The following PHF2 variants were observed in gnomAD, a reference collection of about 807,000 sequenced individuals.
PHF2 encodes the protein lysine-specific demethylase PHF2.
A neutral mutation model predicts 120.5 loss-of-function variants in PHF2; 27 were observed. That is an observed-to-expected ratio of 0.22 (90% CI 0.17 to 0.31). PHF2 has a LOEUF of 0.31. Among genes scored for constraint, PHF2 ranks in the 10% least tolerant of loss-of-function variants. The pLI is 1.00. For missense variants in PHF2, 1,024 were observed against 1,434.8 expected (o/e 0.71, Z 4.63); for synonymous variants, 568 against 592.5 (o/e 0.96, Z 0.60).
intron 1 of PHF2, among the ~76,000 whole-genome samples, chr9:93,587,533 T>TCCCAGATGGG (rs1863077036): frequency 1.9e-5 from 2 of 105,288 alleles, no homozygotes; most frequent in African/African-American, 3.8e-5. Flanking sequence ...TCCCAGATAG[T>TCCCAGATGGG]GGATGGAGGA....
chr9:93,607,983 A>T (rs1825571408), intron 1 of PHF2, among the ~76,000 whole-genome samples: 1 of 137,904 alleles, frequency 7.3e-6, no homozygotes, highest in Non-Finnish European at 1.6e-5. Flanking sequence ...TGAGAGAGAG[A>T]CGGAGGGAGA....
intron 1 of PHF2, among the ~76,000 whole-genome samples, chr9:93,592,963 G>T (rs958517001): frequency 1.3e-5 from 2 of 151,948 alleles, no homozygotes; most frequent in Non-Finnish European, 2.9e-5. Context: ...AGGCCCTGCA[G>T]CTGTACCCTC....
intron 5 of PHF2, 136 bp downstream of exon 5, chr9:93,649,348 A>C (rs2117898663): frequency 2.8e-6 from 1 of 351,360 alleles, no homozygotes; most frequent in Non-Finnish European, 4.6e-6. Context: ...ACTGATTTTT[A>C]CTGTTTCTCT....
rs370298704 is a variant in PHF2 at position 93,665,705 on chromosome 9, C to T, written c.1957C>T (p.Pro653Ser). 49 of 1,613,722 alleles carry T rather than the reference C, an allele frequency of 3.0e-5. No homozygotes were observed. Among genetic ancestry groups the T allele is most frequent in the Non-Finnish European group, 4.0e-5 (47 of 1,180,014 alleles). ...CCCTAGCTCCAAGGCTCTCAGGCCC[C>T]CGACGAGCCCTGGTGTGTTCGGGGC... ...KLLGSKALRP[P>S]TSPGVFGALQ... The change falls in exon 15 of 22, where the codon CCG (proline) becomes TCG (serine). Residue 653 changes from proline to serine, a missense_variant. Transcript: ENST00000359246.
chr9:93,658,382 T>G, intron 10 of PHF2, 146 bp downstream of exon 10: 1 of 704,432 alleles, frequency 1.4e-6, no homozygotes, highest in Non-Finnish European at 2.5e-6. Context: ...CCTGCCTGGC[T>G]TGGCCCGGGG....
intron 12 of PHF2, among the ~76,000 whole-genome samples, chr9:93,661,842 G>A (rs370465106): frequency 1.2e-4 from 18 of 151,906 alleles, no homozygotes; most frequent in East Asian, 7.8e-4. Context: ...GTGGATGGAT[G>A]GATTGATGAA....
chr9:93,622,516 C>A (rs1290381629), intron 1 of PHF2, among the ~76,000 whole-genome samples: 6 of 152,142 alleles, frequency 3.9e-5, no homozygotes, highest in Non-Finnish European at 7.4e-5. Flanking sequence ...TGAGTCAGGG[C>A]AACGTCTGTG....
chr9:93,656,386 C>G lies in PHF2; in HGVS notation c.1041-103C>G, dbSNP rs959270487. On this transcript the variant is annotated intron_variant, in intron 8 of 21. Transcript: ENST00000359246. The surrounding 1 kb of genome is among the most constrained non-coding windows in gnomAD (Gnocchi z 4.1). Reference sequence around the variant, plus strand: ...CTGGTCCTCCTCAGCTATGCAGGGCCCAGTGGGGAGGCCTGAGCTGGTGTG... The same window carrying G: ...CTGGTCCTCCTCAGCTATGCAGGGCGCAGTGGGGAGGCCTGAGCTGGTGTG... The G allele has an allele frequency of 1.2e-6, 1 of 824,844 alleles. No homozygotes were observed. Among genetic ancestry groups the G allele is most frequent in the East Asian group, 2.4e-5 (1 of 40,892 alleles). The allele number at this position is 824,844 out of a possible 1,614,324, so 51.1% of individuals were successfully genotyped here.
At chr9:93,602,743 G>C (rs1749614056) in intron 1 of PHF2, among the ~76,000 whole-genome samples, 1 of 152,168 alleles carries the variant, frequency 6.6e-6, no homozygotes, top group Admixed American at 6.5e-5. Flanking sequence ...AGATTCTCTG[G>C]ACTCACTCTT....
intron 12 of PHF2, among the ~76,000 whole-genome samples, chr9:93,661,914 T>C (rs1292168768): frequency 6.7e-6 from 1 of 149,084 alleles, no homozygotes; most frequent in African/African-American, 2.5e-5. Context: ...GATGGATAGA[T>C]GAATGAAAAA....
At chr9:93,622,999 G>T (rs1395355037) in intron 1 of PHF2, among the ~76,000 whole-genome samples, 3 of 152,226 alleles carry the variant, frequency 2.0e-5, no homozygotes, top group Non-Finnish European at 4.4e-5. Flanking sequence ...ATCAGGTCAG[G>T]TTGGTGTAGC....
intron 3 of PHF2, among the ~76,000 whole-genome samples, chr9:93,638,429 A>T (rs1034369039): frequency 9.2e-5 from 14 of 152,088 alleles, no homozygotes; most frequent in African/African-American, 3.1e-4. Context: ...TTGTTCTTTG[A>T]TACATTTTGA....
At chr9:93,602,786 T>C (rs1156515780) in intron 1 of PHF2, among the ~76,000 whole-genome samples, 2 of 152,184 alleles carry the variant, frequency 1.3e-5, no homozygotes, top group Non-Finnish European at 2.9e-5. Flanking sequence ...GGTTATTTGG[T>C]CAAAGGATTG....
intron 1 of PHF2, among the ~76,000 whole-genome samples, chr9:93,615,174 A>G (rs373692954): frequency 1.3e-4 from 3 of 23,692 alleles, no homozygotes; most frequent in South Asian, 2.9e-3. Flanking sequence ...TGATGGTGAT[A>G]GTAATGGTGA....
At chr9:93,605,658 C>T (rs1362368623) in intron 1 of PHF2, among the ~76,000 whole-genome samples, 1 of 152,298 alleles carries the variant, frequency 6.6e-6, no homozygotes, top group Admixed American at 6.5e-5. Context: ...GTAGAAATCA[C>T]GTAGTATGTC....
rs755362883 is a variant in PHF2, at chr9:93,576,888, T to TGCTCG, written c.98+25_98+29dup. 1 of 1,171,752 alleles carries TGCTCG rather than the reference T, an allele frequency of 8.5e-7. No individual in the cohort carries two copies. Among genetic ancestry groups the TGCTCG allele is most frequent in the Non-Finnish European group, 1.1e-6 (1 of 911,756 alleles). 72.6% of individuals were successfully genotyped at this position (1,171,752 alleles called of 1,614,324 possible). A position where few individuals can be genotyped will look rare whatever the true frequency, so the allele number is the denominator to read the frequency against. On this transcript the variant is annotated intron_variant, in intron 1 of 21. Coordinates refer to ENST00000359246, the MANE Select transcript of PHF2 (RefSeq NM_005392.4). ...CCACGGCAGGTGAGCGCGCGGCGGC[T>TGCTCG]GCTCGGCTCGGCCCGGCCCGGCCCG...
At chr9:93,630,784 G>T (rs1332493122) in intron 2 of PHF2, among the ~76,000 whole-genome samples, 1 of 152,166 alleles carries the variant, frequency 6.6e-6, no homozygotes, top group Non-Finnish European at 1.5e-5. Flanking sequence ...GAGGGGTGTG[G>T]CCTGTAGACA....
At chr9:93,609,510 C>T (rs1348738028) in intron 1 of PHF2, among the ~76,000 whole-genome samples, 2 of 150,306 alleles carry the variant, frequency 1.3e-5, no homozygotes, top group African/African-American at 4.9e-5. Flanking sequence ...ATTTCTCCTT[C>T]ACTTTTGACG....
intron 2 of PHF2, among the ~76,000 whole-genome samples, chr9:93,630,332 G>A (rs1825979503): frequency 6.6e-6 from 1 of 152,268 alleles, no homozygotes; most frequent in Non-Finnish European, 1.5e-5. Context: ...GAGAGGCCAG[G>A]CCAGCCTGAG....
Sources: allele counts gnomAD v4.1 joint callset (sites outside exome capture counted in the v4.1 genomes callset), GRCh38; gene constraint gnomAD v4.1.1; non-coding constraint Gnocchi (gnomAD v3.1); transcripts MANE v1.5; gene names NCBI Gene and HGNC (gene_info 2026-07-23, HGNC 2026-07-21).